The following PCDH15 variants were observed in gnomAD, a reference collection of about 807,000 sequenced individuals.
PCDH15 encodes protocadherin-15.
Under a neutral mutation model 178.5 loss-of-function variants are expected in PCDH15, and 129 were observed. The ratio of observed to expected loss-of-function variants is 0.72; its 90% CI spans 0.63 to 0.84. The LOEUF (loss-of-function observed/expected upper bound fraction) is 0.84. Ranked by LOEUF, PCDH15 falls within the 40% of genes least tolerant of loss-of-function variation. The pLI is 0.00. For missense variants in PCDH15, 2,230 were observed against 2,099.9 expected (o/e 1.06, Z -1.21); for synonymous variants, 800 against 732.0 (o/e 1.09, Z -1.50).
At chr10:53,960,596 A>G (rs2088193058) in intron 22 of PCDH15, among the ~76,000 whole-genome samples, 1 of 152,202 alleles carries the variant, frequency 6.6e-6, no homozygotes, top group Non-Finnish European at 1.5e-5. Context: ...GACATGTTAA[A>G]TACTTTCAGA....
chr10:54,643,868 G>T (rs1341885691), intron 2 of PCDH15, among the ~76,000 whole-genome samples: 1 of 147,850 alleles, frequency 6.8e-6, no homozygotes, highest in Non-Finnish European at 1.5e-5. Context: ...TGCACAATGT[G>T]CAGGTTAGTT....
At chr10:54,090,180 T>C in intron 15 of PCDH15, 117 bp from the exon 16 acceptor site, 6 of 805,128 alleles carry the variant, frequency 7.5e-6, no homozygotes, top group Non-Finnish European at 1.3e-5. Flanking sequence ...TGTTAAAGAA[T>C]AAAGATTAAA....
At chr10:54,045,799 G>T (rs1449165965) in intron 18 of PCDH15, among the ~76,000 whole-genome samples, 7 of 151,962 alleles carry the variant, frequency 4.6e-5, no homozygotes, top group Admixed American at 2.0e-4. Flanking sequence ...TTTAAGCAAG[G>T]TCAAAAGAAT....
At chr10:55,116,816 C>G (rs1425158624) in intron 2 of PCDH15, among the ~76,000 whole-genome samples, 1 of 152,152 alleles carries the variant, frequency 6.6e-6, no homozygotes, top group African/African-American at 2.4e-5. Context: ...AAAGAATTAA[C>G]TGGCTTTCCT....
intron 27 of PCDH15, among the ~76,000 whole-genome samples, chr10:53,860,180 A>G (rs1343062065): frequency 6.6e-6 from 1 of 152,162 alleles, no homozygotes. Flanking sequence ...CTTTGATAAG[A>G]CTTTGTTCTA....
At chr10:54,495,838 T>G (rs569870102) in intron 3 of PCDH15, among the ~76,000 whole-genome samples, 1 of 152,276 alleles carries the variant, frequency 6.6e-6, no homozygotes, top group South Asian at 2.1e-4. Flanking sequence ...AGTCTCCTAT[T>G]TGGTCCTTTT....
chr10:54,271,586 A>G (rs1398530501), intron 8 of PCDH15, among the ~76,000 whole-genome samples: 1 of 152,144 alleles, frequency 6.6e-6, no homozygotes, highest in Admixed American at 6.6e-5. Flanking sequence ...ATACTTTTCC[A>G]TAGGCACAAG....
chr10:55,473,452 ACTG>A (rs1840004961), intron 2 of PCDH15, among the ~76,000 whole-genome samples: 1 of 152,210 alleles, frequency 6.6e-6, no homozygotes, highest in Non-Finnish European at 1.5e-5. Context: ...GTCATGGAAC[ACTG>A]CTGCTACTTT....
chr10:55,067,781 T>C (rs1048071664), intron 2 of PCDH15, among the ~76,000 whole-genome samples: 1 of 152,028 alleles, frequency 6.6e-6, no homozygotes, highest in African/African-American at 2.4e-5. Context: ...ATAACAGTCA[T>C]TGCAACTGGG....
intron 2 of PCDH15, among the ~76,000 whole-genome samples, chr10:55,091,292 T>G (rs997274677): frequency 2.6e-5 from 4 of 152,000 alleles, no homozygotes; most frequent in Non-Finnish European, 2.9e-5. Context: ...AATTATCTTT[T>G]GTCAAGTAAA....
rs1317540115 is a variant in PCDH15 at position 54,773,575 on chromosome 10, A to C, written c.-29+27350T>G. On this transcript the variant is annotated intron_variant, in intron 1 of 37. Transcript: ENST00000644397. ...TATCACATGGAGAAGGAGAGATCTCACTAAATCTTTTAACTATGAGTACTT... is the reference window on the plus strand; with the variant it reads ...TATCACATGGAGAAGGAGAGATCTCCCTAAATCTTTTAACTATGAGTACTT... Among the ~76,000 whole-genome samples, 10 of 152,280 alleles carry C rather than the reference A, an allele frequency of 6.6e-5. No homozygotes were observed. The East Asian group carries it at 1.9e-3, about 29-fold the overall frequency.
chr10:54,282,495 A>G (rs2058760869), intron 8 of PCDH15, among the ~76,000 whole-genome samples: 1 of 152,148 alleles, frequency 6.6e-6, no homozygotes, highest in Admixed American at 6.6e-5. Context: ...CTCTGATTAT[A>G]AACAACTTCA....
At chr10:54,162,872 A>C (rs991831153) in intron 13 of PCDH15, among the ~76,000 whole-genome samples, 3 of 152,188 alleles carry the variant, frequency 2.0e-5, no homozygotes, top group African/African-American at 7.2e-5. Flanking sequence ...GATATGTATA[A>C]AAATGACATC....
At chr10:55,005,501 C>A (rs1354571758) in intron 2 of PCDH15, among the ~76,000 whole-genome samples, 1 of 151,966 alleles carries the variant, frequency 6.6e-6, no homozygotes. Flanking sequence ...TACGTGGATA[C>A]GCATCCCTCA....
chr10:54,044,818 T>A (rs990116185), intron 18 of PCDH15, among the ~76,000 whole-genome samples: 1 of 152,170 alleles, frequency 6.6e-6, no homozygotes, highest in Admixed American at 6.6e-5. Flanking sequence ...TGTTCTTTCC[T>A]GTGATTAATA....
chr10:54,769,799 T>C (rs750509995), intron 1 of PCDH15, among the ~76,000 whole-genome samples: 17 of 152,092 alleles, frequency 1.1e-4, no homozygotes, highest in Non-Finnish European at 2.1e-4. Flanking sequence ...GTGAAATCTG[T>C]TCTTTGCAAC....
At chr10:55,212,705 G>A (rs1840601356) in intron 1 of PCDH15, among the ~76,000 whole-genome samples, 1 of 151,956 alleles carries the variant, frequency 6.6e-6, no homozygotes, top group Non-Finnish European at 1.5e-5. Context: ...GTGAGTAGGG[G>A]TCCATAAAAG....
At chr10:55,577,262 A>C (rs1308072113) in intron 2 of PCDH15, among the ~76,000 whole-genome samples, 3 of 152,170 alleles carry the variant, frequency 2.0e-5, no homozygotes, top group Non-Finnish European at 4.4e-5. Context: ...AAAAGGAAAC[A>C]AAAGAGAAGT....
At chr10:53,868,889 G>A (rs913072444) in intron 26 of PCDH15, among the ~76,000 whole-genome samples, 9 of 151,620 alleles carry the variant, frequency 5.9e-5, no homozygotes, top group African/African-American at 2.2e-4. Flanking sequence ...GCATAAACTC[G>A]GCTCACTGAA....
Sources: allele counts gnomAD v4.1 joint callset (sites outside exome capture counted in the v4.1 genomes callset), GRCh38; gene constraint gnomAD v4.1.1; transcripts MANE v1.5; gene names NCBI Gene and HGNC (gene_info 2026-07-23, HGNC 2026-07-21).